ITGA1: variants seen among roughly 807,000 people sequenced by gnomAD.
ITGA1 encodes integrin subunit alpha 1.
A neutral mutation model predicts 145.9 loss-of-function variants in ITGA1; 85 were observed. The observed-to-expected ratio is 0.58, with a 90% CI of 0.49 to 0.70. The LOEUF (loss-of-function observed/expected upper bound fraction) is 0.70. Ranked by LOEUF, ITGA1 falls within the 30% of genes least tolerant of loss-of-function variation. The pLI, the probability that ITGA1 is intolerant of heterozygous loss-of-function variation, is 0.00. For synonymous variants in ITGA1, 520 were observed against 495.3 expected (o/e 1.05, Z -0.66); for missense variants, 1,351 against 1,418.7 (o/e 0.95, Z 0.77).
intron 6 of ITGA1, among the ~76,000 whole-genome samples, chr5:52,878,745 G>A (rs1198416627): frequency 1.3e-5 from 2 of 152,132 alleles, no homozygotes; most frequent in Non-Finnish European, 2.9e-5. Flanking sequence ...GAGATTCATG[G>A]TCATTCCTTT....
chr5:52,874,672 G>T (rs1749837829), intron 6 of ITGA1, among the ~76,000 whole-genome samples: 1 of 152,100 alleles, frequency 6.6e-6, no homozygotes, highest in African/African-American at 2.4e-5. Context: ...TAATTGAGCA[G>T]ATATTTATAA....
chr5:52,944,998 C>G lies in ITGA1; in HGVS notation c.3341C>G (p.Ala1114Gly). The stretch of plus-strand genomic sequence containing the variant: ...AGGGGAGAACTTCGGAGTGAAAATG[C>G]ATCTCTGGTTTTAAGTAGCAGCAAT... The part of the protein sequence containing the change: ...TIRGELRSEN[A>G]SLVLSSSNQK... Residue 1114 changes from alanine to glycine, a missense_variant, in exon 27 of 29, where the codon GCA becomes GGA. Transcript: ENST00000282588. 6.2e-7 allele frequency: 1 copy of G among 1,613,268 alleles called. No individual in the cohort carries two copies. The highest frequency in any genetic ancestry group is 8.5e-7 in the Non-Finnish European group (1 of 1,179,608).
rs556707364 is a variant in ITGA1, at chr5:52,841,646, T to G, written c.62-7719T>G. Among the ~76,000 whole-genome samples, 10 of 152,340 alleles carry G rather than the reference T, an allele frequency of 6.6e-5. No homozygotes were observed. In the South Asian group the frequency reaches 2.1e-3, roughly 32 times the overall value. ...TTTCCAACCCATAAGACTAATATTA[T>G]AAAGTTGTTATACATTAAGGAAAAG... On this transcript the variant is annotated intron_variant, in intron 1 of 28. Coordinates refer to ENST00000282588, the MANE Select transcript of ITGA1 (RefSeq NM_181501.2).
intron 1 of ITGA1, among the ~76,000 whole-genome samples, chr5:52,792,778 T>C (rs551129420): frequency 2.6e-5 from 4 of 152,146 alleles, no homozygotes; most frequent in Admixed American, 6.5e-5. Flanking sequence ...TACAAAATAG[T>C]GTACTCAAAT....
chr5:52,872,395 G>T (rs1749790546), intron 6 of ITGA1, among the ~76,000 whole-genome samples: 1 of 151,870 alleles, frequency 6.6e-6, no homozygotes, highest in South Asian at 2.1e-4. Context: ...TCAGGCACTA[G>T]AATAATCATT....
chr5:52,803,363 A>T (rs1748526785), intron 1 of ITGA1: 1 of 152,224 alleles, frequency 6.6e-6, no homozygotes, highest in Admixed American at 6.5e-5. Context: ...GTTACTAAAT[A>T]ATTTAATAAG....
chr5:52,910,255 G>C lies in ITGA1; in HGVS notation c.1693G>C (p.Glu565Gln). Residue 565 changes from glutamate to glutamine, a missense_variant, in exon 14 of 29, where the codon GAG (glutamate) becomes CAG (glutamine). Transcript: ENST00000282588. ...TTCATGCACAACAGAAAACAAAAAT[G>C]AGCCATGCGGGGCTCGTTTTGGAAC... ...HNSCTTENKN[E>Q]PCGARFGTAI... The C allele has an allele frequency of 6.2e-7, 1 of 1,613,998 alleles. No individual in the cohort carries two copies. The highest frequency in any genetic ancestry group is 8.5e-7 in the Non-Finnish European group (1 of 1,179,936).
intron 13 of ITGA1, 31 bp downstream of exon 13, chr5:52,909,072 G>T: frequency 6.3e-7 from 1 of 1,584,428 alleles, no homozygotes; most frequent in Non-Finnish European, 8.5e-7. Context: ...TAGAAATCCA[G>T]GAAAATCTCT....
chr5:52,828,426 T>C (rs1286593568), intron 1 of ITGA1, among the ~76,000 whole-genome samples: 2 of 152,232 alleles, frequency 1.3e-5, no homozygotes, highest in African/African-American at 2.4e-5. Context: ...GAGCATCTTA[T>C]TATGTGCTTA....
At chr5:52,888,603 G>C (rs1189505994) in intron 8 of ITGA1, among the ~76,000 whole-genome samples, 1 of 152,230 alleles carries the variant, frequency 6.6e-6, no homozygotes, top group Non-Finnish European at 1.5e-5. Flanking sequence ...TCCTGGTATA[G>C]ACCTTTCGAC....
At chr5:52,910,684 A>G (rs182278256) in intron 14 of ITGA1, among the ~76,000 whole-genome samples, 5 of 147,364 alleles carry the variant, frequency 3.4e-5, no homozygotes, top group Admixed American at 2.7e-4. Context: ...TACACACTAT[A>G]TATACTATAT....
At chr5:52,896,583 C>T (rs945650056) in intron 9 of ITGA1, among the ~76,000 whole-genome samples, 2 of 152,154 alleles carry the variant, frequency 1.3e-5, no homozygotes, top group Non-Finnish European at 2.9e-5. Context: ...CTTGCCTCAA[C>T]GAAAGGGCAG....
intron 1 of ITGA1, among the ~76,000 whole-genome samples, chr5:52,847,791 G>A (rs764100389): frequency 6.6e-6 from 1 of 152,168 alleles, no homozygotes; most frequent in Non-Finnish European, 1.5e-5. Flanking sequence ...CTGACCTCAG[G>A]TGATCCACCC....
Position 52,865,082 on chromosome 5 carries a change from G to A in ITGA1, c.496G>A (p.Glu166Lys), listed in dbSNP as rs1421110204. 6.2e-7 allele frequency: 1 copy of A among 1,601,286 alleles called. No individual in the cohort carries two copies. Among genetic ancestry groups the A allele is most frequent in the African/African-American group, 1.3e-5 (1 of 74,506 alleles). ...CGTGAATTCCATTGCCCCTGTACAA[G>A]GTACAGATTTTATGCAATGTTCTTG... Reference protein sequence around the residue: ...QVVNSIAPVQECSTQLDIVIV... With the variant: ...QVVNSIAPVQKCSTQLDIVIV... Residue 166 changes from glutamate to lysine, a missense_variant and splice_region_variant, in exon 5 of 29, where the codon GAA becomes AAA. Transcript: ENST00000282588.
chr5:52,887,214 A>C (rs1349727798), intron 7 of ITGA1, among the ~76,000 whole-genome samples: 4 of 152,158 alleles, frequency 2.6e-5, no homozygotes, highest in Non-Finnish European at 5.9e-5. Flanking sequence ...CCATGGACTC[A>C]GAGCATCACC....
chr5:52,910,226 A>G lies in ITGA1; in HGVS notation c.1664A>G (p.His555Arg). 3 of 1,614,026 alleles carry G rather than the reference A, an allele frequency of 1.9e-6. No individual in the cohort carries two copies. The highest frequency in any genetic ancestry group is 2.5e-6 in the Non-Finnish European group (3 of 1,179,926). Residue 555 changes from histidine (H) to arginine (R), a missense_variant, in exon 14 of 29, where the codon CAC (histidine) becomes CGC (arginine). By Grantham distance (29) the His-to-Arg change is conservative. Transcript: ENST00000282588. Reference protein sequence around the residue: ...IKQTCCSSRQHNSCTTENKNE... With the variant: ...IKQTCCSSRQRNSCTTENKNE... ...CAGACGTGCTGTTCATCTCGGCAGC[A>G]CAATTCATGCACAACAGAAAACAAA... is the stretch of plus-strand genomic sequence containing the variant.
intron 1 of ITGA1, among the ~76,000 whole-genome samples, chr5:52,831,538 G>GAA (rs5867837): frequency 2.0e-4 from 30 of 149,910 alleles, no homozygotes; most frequent in South Asian, 1.3e-3. Context: ...AAAGAGAAAA[G>GAA]AAAAAAAAAC....
chr5:52,803,390 C>T (rs1748527294), intron 1 of ITGA1: 1 of 151,890 alleles, frequency 6.6e-6, no homozygotes, highest in South Asian at 2.1e-4. Context: ...GAAATGAAGC[C>T]ACTGAGATCC....
chr5:52,918,629 C>A, intron 15 of ITGA1, 103 bp from the exon 16 acceptor site: 3 of 1,070,488 alleles, frequency 2.8e-6, no homozygotes, highest in Non-Finnish European at 4.0e-6. Flanking sequence ...CTGTATTATA[C>A]ATGAAGCAGA....
Sources: gnomAD v4.1 joint callset for allele counts (sites outside exome capture counted in the v4.1 genomes callset) on GRCh38, gnomAD v4.1.1 for gene constraint, MANE v1.5 for transcripts, NCBI Gene and HGNC (gene_info 2026-07-23, HGNC 2026-07-21) for gene names.